The following OVOL2 variants were observed in gnomAD, a reference collection of about 807,000 sequenced individuals.
OVOL2 encodes ovo like zinc finger 2.
Under a neutral mutation model 18.1 loss-of-function variants are expected in OVOL2, and 13 were observed. That is an observed-to-expected ratio of 0.72 (90% CI 0.47 to 1.14). The LOEUF (loss-of-function observed/expected upper bound fraction) is 1.14. OVOL2 is among the 50% of genes most tolerant of loss of function. The pLI is 0.00. For synonymous variants in OVOL2, 166 were observed against 162.7 expected, an observed-to-expected ratio of 1.02 and a Z score of -0.16; for missense variants, 335 against 383.0, an observed-to-expected ratio of 0.87 and a Z score of 1.05.
At chr20:18,048,775 C>G (rs1241725806) in intron 2 of OVOL2, among the ~76,000 whole-genome samples, 1 of 152,122 alleles carries the variant, frequency 6.6e-6, no homozygotes, top group African/African-American at 2.4e-5. Context: ...TCTCCTATCT[C>G]CCGTGACAGT....
rs766123653 is a variant in OVOL2, at chr20:18,056,663, T to C, written c.315A>G (p.Lys105=). 3 of 1,426,894 alleles carry C rather than the reference T, an allele frequency of 2.1e-6. No individual in the cohort carries two copies. The highest frequency in any genetic ancestry group is 1.8e-6 in the Non-Finnish European group (2 of 1,093,684). The allele number at this position is 1,426,894 out of a possible 1,614,324, so 88.4% of individuals were successfully genotyped here. ...GGCAGAGTCGACACAGTACCTTGAT[T>C]TTCGATCTGGCGACCGGGCGCTGCT... ...ATKQRPVARS[K]IKFTTGTCSD... Residue 105 remains lysine (K), a synonymous_variant, in exon 2 of 4, where the codon AAA becomes AAG. Transcript: ENST00000278780. This position sits in a 1 kb window ranked among gnomAD's most constrained non-coding sequence, Gnocchi z 4.2.
chr20:18,046,326 G>T (rs565915923), intron 2 of OVOL2, among the ~76,000 whole-genome samples: 1 of 152,228 alleles, frequency 6.6e-6, no homozygotes, highest in South Asian at 2.1e-4. Flanking sequence ...GTGAAAAAAC[G>T]GTGGCAGAAC....
chr20:18,035,124 G>C (rs112035013), intron 3 of OVOL2, among the ~76,000 whole-genome samples: 3,421 of 152,214 alleles, frequency 0.022, 123 homozygotes, highest in African/African-American at 0.076. Context: ...AGAACCAATA[G>C]CAAAAATACA....
rs1269312009 is a variant in OVOL2 at position 18,057,449 on chromosome 20, C to T, written c.100+86G>A. 4 of 1,451,286 alleles carry T rather than the reference C, an allele frequency of 2.8e-6. No homozygotes were observed. The South Asian group carries it at 3.8e-5, about 14-fold the overall frequency. 89.9% of individuals were successfully genotyped at this position (1,451,286 alleles called of 1,614,324 possible). Reference sequence around the variant, plus strand: ...AGAGGGGGATGAGGTGGGGAGCCCGCCCCTGCCGATGAGCAGAGAAGACCC... The same window carrying T: ...AGAGGGGGATGAGGTGGGGAGCCCGTCCCTGCCGATGAGCAGAGAAGACCC... On this transcript the variant is annotated intron_variant, in intron 1 of 3. Transcript: ENST00000278780. The surrounding 1 kb of genome is among the most constrained non-coding windows in gnomAD (Gnocchi z 6.3).
Position 18,056,612 on chromosome 20 carries a change from C to CA in OVOL2, c.321+44dup, listed in dbSNP as rs2036828216. 1.5e-6 allele frequency: 2 copies of CA among 1,333,940 alleles called. No individual in the cohort carries two copies. Among genetic ancestry groups the CA allele is most frequent in the Non-Finnish European group, 1.9e-6 (2 of 1,039,324 alleles). 82.6% of individuals were successfully genotyped at this position (1,333,940 alleles called of 1,614,324 possible). A position where few individuals can be genotyped will look rare whatever the true frequency, so the allele number is the denominator to read the frequency against. On this transcript the variant is annotated intron_variant, in intron 2 of 3. Coordinates refer to ENST00000278780, the MANE Select transcript of OVOL2 (RefSeq NM_021220.4). The surrounding 1 kb of genome is among the most constrained non-coding windows in gnomAD (Gnocchi z 4.2). The stretch of plus-strand genomic sequence containing the variant: ...GGCGCCGGCCTCGGGAGCCCGACGC[C>CA]AGGGCGTGGTGCAGGTGGCGGCGGG...
At position 18,056,221 on chromosome 20, in the gene OVOL2, C is replaced by G. The variant is rs1458046946; in HGVS notation, c.321+436G>C. ...AGCATGGGGGGTGAACTCTCAGAAT[C>G]GCGGCGCCAGGAACTGCGTCCCAGA... is the stretch of plus-strand genomic sequence containing the variant. On this transcript the variant is annotated intron_variant, in intron 2 of 3. Coordinates refer to ENST00000278780, the MANE Select transcript of OVOL2 (RefSeq NM_021220.4). This position sits in a 1 kb window ranked among gnomAD's most constrained non-coding sequence, Gnocchi z 4.2. 6.6e-6 allele frequency among the ~76,000 whole-genome samples: 1 copy of G among 152,186 alleles called. No individual in the cohort carries two copies. Among genetic ancestry groups the G allele is most frequent in the Non-Finnish European group, 1.5e-5 (1 of 68,038 alleles).
Position 18,057,646 on chromosome 20 carries a change from C to T in OVOL2, c.-12G>A, listed in dbSNP as rs1270166080. 1.9e-6 allele frequency: 3 copies of T among 1,560,932 alleles called. No homozygotes were observed. Among genetic ancestry groups the T allele is most frequent in the South Asian group, 2.3e-5 (2 of 85,306 alleles). ...AAGACTTTGGGCATGGTGGGGTCCC[C>T]TCTCCCGACTGCGGCCCCCTCCTCC... On this transcript the variant is annotated 5_prime_UTR_variant, in exon 1 of 4. Transcript: ENST00000278780. This position sits in a 1 kb window ranked among gnomAD's most constrained non-coding sequence, Gnocchi z 6.3.
intron 3 of OVOL2, among the ~76,000 whole-genome samples, chr20:18,027,724 T>C (rs1183660046): frequency 6.6e-6 from 1 of 151,626 alleles, no homozygotes; most frequent in South Asian, 2.1e-4. Context: ...GCCTCCCGAG[T>C]AGCTGGGACT....
intron 3 of OVOL2, among the ~76,000 whole-genome samples, chr20:18,031,644 A>T (rs1279221776): frequency 2.0e-5 from 3 of 152,222 alleles, no homozygotes; most frequent in African/African-American, 7.2e-5. Flanking sequence ...ATTTGTCTTT[A>T]AACTGTACCT....
rs993403519 is a variant in OVOL2, at chr20:18,029,373, G to T, written c.512-4421C>A. Among the ~76,000 whole-genome samples, 3 of 152,280 alleles carry T rather than the reference G, an allele frequency of 2.0e-5. No individual in the cohort carries two copies. In the East Asian group the frequency reaches 5.8e-4, roughly 29 times the overall value. On this transcript the variant is annotated intron_variant, in intron 3 of 3. Coordinates refer to ENST00000278780, the MANE Select transcript of OVOL2 (RefSeq NM_021220.4). ...TAATAAATATATGTCATCTCTGGGT[G>T]TTGCCTGAGCAGGAGAATTTGTTAA...
chr20:18,045,759 G>A (rs1427703317), intron 2 of OVOL2, among the ~76,000 whole-genome samples: 5 of 152,122 alleles, frequency 3.3e-5, no homozygotes, highest in East Asian at 1.9e-4. Context: ...GATTACAGGC[G>A]TGAGCCACAA....
intron 3 of OVOL2, among the ~76,000 whole-genome samples, chr20:18,036,110 A>G (rs1012637086): frequency 2.6e-5 from 4 of 151,998 alleles, no homozygotes; most frequent in Non-Finnish European, 5.9e-5. Context: ...CCTGACCAAC[A>G]TGGAGAAACT....
chr20:18,040,951 G>T (rs1160036083), intron 3 of OVOL2, among the ~76,000 whole-genome samples: 1 of 152,184 alleles, frequency 6.6e-6, no homozygotes, highest in African/African-American at 2.4e-5. Flanking sequence ...GGCCCCGCGT[G>T]TGTGCCATGC....
intron 3 of OVOL2, among the ~76,000 whole-genome samples, chr20:18,041,314 C>T (rs1418717858): frequency 1.2e-4 from 19 of 152,218 alleles, no homozygotes; most frequent in African/African-American, 4.6e-4. Context: ...CAGGCGCCAC[C>T]ACCACGCCCA....
At chr20:18,040,646 A>C (rs2036659651) in intron 3 of OVOL2, among the ~76,000 whole-genome samples, 1 of 152,172 alleles carries the variant, frequency 6.6e-6, no homozygotes, top group Non-Finnish European at 1.5e-5. Context: ...CCGAGACAAG[A>C]GGCCAAGGGC....
At position 18,056,936 on chromosome 20, in the gene OVOL2, G is replaced by A. The variant is rs1025228472; in HGVS notation, c.101-59C>T. ...ACTCGGCGTCAACCCGCACGCCCGC[G>A]GCAGTTTGACCTGCGGGCGGTGCTG... On this transcript the variant is annotated intron_variant, in intron 1 of 3. Coordinates refer to ENST00000278780, the MANE Select transcript of OVOL2 (RefSeq NM_021220.4). This position sits in a 1 kb window ranked among gnomAD's most constrained non-coding sequence, Gnocchi z 4.2. 1.4e-6 allele frequency: 2 copies of A among 1,418,442 alleles called. No homozygotes were observed. Among genetic ancestry groups the A allele is most frequent in the South Asian group, 1.5e-5 (1 of 67,012 alleles). The allele number at this position is 1,418,442 out of a possible 1,614,324, so 87.9% of individuals were successfully genotyped here. A position where few individuals can be genotyped will look rare whatever the true frequency, so the allele number is the denominator to read the frequency against.
At chr20:18,038,275 C>T (rs1485344476) in intron 3 of OVOL2, among the ~76,000 whole-genome samples, 1 of 152,194 alleles carries the variant, frequency 6.6e-6, no homozygotes, top group African/African-American at 2.4e-5. Flanking sequence ...AATTTTACTA[C>T]TAATAATAGC....
intron 3 of OVOL2, among the ~76,000 whole-genome samples, chr20:18,030,968 A>G (rs1178003958): frequency 6.6e-6 from 1 of 152,064 alleles, no homozygotes; most frequent in Admixed American, 6.6e-5. Context: ...ATTCAGGGGG[A>G]CGTGGGTGGC....
At chr20:18,040,638 G>A (rs1276408096) in intron 3 of OVOL2, among the ~76,000 whole-genome samples, 30 of 152,148 alleles carry the variant, frequency 2.0e-4, no homozygotes, top group Non-Finnish European at 2.9e-5. Flanking sequence ...CAGTGAGGCC[G>A]AGACAAGAGG....
Sources: gnomAD v4.1 joint callset for allele counts (sites outside exome capture counted in the v4.1 genomes callset) on GRCh38, gnomAD v4.1.1 for gene constraint, Gnocchi (gnomAD v3.1) non-coding constraint, MANE v1.5 for transcripts, NCBI Gene and HGNC (gene_info 2026-07-23, HGNC 2026-07-21) for gene names.